Variants in GLCE observed in about 807,000 individuals in gnomAD.
The protein encoded by GLCE is D-glucuronyl C5-epimerase.
A neutral mutation model predicts 47.9 loss-of-function variants in GLCE; 19 were observed. The observed-to-expected ratio is 0.40, with a 90% CI of 0.28 to 0.58. The LOEUF (loss-of-function observed/expected upper bound fraction) is 0.58. Ranked by LOEUF, GLCE falls within the 20% of genes least tolerant of loss-of-function variation. GLCE has a pLI of 0.48. For missense variants in GLCE, 556 were observed against 743.3 expected, an observed-to-expected ratio of 0.75 and a Z score of 2.93; for synonymous variants, 245 against 263.4, an observed-to-expected ratio of 0.93 and a Z score of 0.68.
chr15:69,170,186 A>AAT (rs1282971823), intron 1 of GLCE, among the ~76,000 whole-genome samples: 1 of 152,200 alleles, frequency 6.6e-6, no homozygotes, highest in African/African-American at 2.4e-5. Context: ...TGATAAGCAA[A>AAT]ATATCTTACT....
intron 2 of GLCE, among the ~76,000 whole-genome samples, chr15:69,244,684 C>T (rs2052722623): frequency 6.6e-6 from 1 of 152,018 alleles, no homozygotes; most frequent in African/African-American, 2.4e-5. Flanking sequence ...AATCATGTGG[C>T]TTCAGGTAAA....
At chr15:69,171,423 G>T (rs1480193916) in intron 1 of GLCE, among the ~76,000 whole-genome samples, 1 of 149,438 alleles carries the variant, frequency 6.7e-6, no homozygotes, top group Non-Finnish European at 1.5e-5. Context: ...TTGAGATGGA[G>T]TCTCGCACTG....
At chr15:69,221,785 C>A (rs1365968303) in intron 2 of GLCE, among the ~76,000 whole-genome samples, 1 of 149,244 alleles carries the variant, frequency 6.7e-6, no homozygotes, top group Non-Finnish European at 1.5e-5. Context: ...ATCACTTGAA[C>A]CTGGGAGGTG....
rs34135980 is a variant in GLCE at position 69,182,269 on chromosome 15, TTGTGTGTGTG to T, written c.-105+21533_-105+21542del. Among the ~76,000 whole-genome samples the T allele has an allele frequency of 6.9e-5, 10 of 144,918 alleles. No homozygotes were observed. In the South Asian group the frequency reaches 1.6e-3, roughly 23 times the overall value. On this transcript the variant is annotated intron_variant, in intron 1 of 4. Coordinates refer to ENST00000261858, the MANE Select transcript of GLCE (RefSeq NM_015554.3). ...AACCAATTTATCAGACATCGTGTAT[TTGTGTGTGTG>T]TGTGTGTGTGTGTGTGTGTGAGAGA...
intron 2 of GLCE, among the ~76,000 whole-genome samples, chr15:69,225,163 A>G (rs930317629): frequency 1.5e-5 from 2 of 132,294 alleles, no homozygotes; most frequent in Admixed American, 1.8e-4. Context: ...TTAGCCAAAT[A>G]TTTTAAAGCT....
chr15:69,219,425 T>C (rs1027426774), intron 2 of GLCE, among the ~76,000 whole-genome samples: 1 of 152,128 alleles, frequency 6.6e-6, no homozygotes, highest in Non-Finnish European at 1.5e-5. Context: ...GGGTAAAGTA[T>C]GTTGTAATAC....
chr15:69,182,385 A>AAGAGAGAG (rs148023337), intron 1 of GLCE, among the ~76,000 whole-genome samples: 1 of 144,118 alleles, frequency 6.9e-6, no homozygotes, highest in Non-Finnish European at 1.5e-5. Context: ...ATTGCGCTGA[A>AAGAGAGAG]AGAGAGAGAG....
At chr15:69,201,196 C>G (rs1566954356) in intron 1 of GLCE, among the ~76,000 whole-genome samples, 1 of 152,070 alleles carries the variant, frequency 6.6e-6, no homozygotes, top group Non-Finnish European at 1.5e-5. Flanking sequence ...AGTTCCTTAA[C>G]CTTAATTACA....
chr15:69,207,685 A>G (rs927249266), intron 1 of GLCE, among the ~76,000 whole-genome samples: 2 of 152,096 alleles, frequency 1.3e-5, no homozygotes, highest in Admixed American at 1.3e-4. Flanking sequence ...TTTGGTGATT[A>G]TGAATAAAGC....
At chr15:69,211,489 C>T (rs1198418093) in intron 2 of GLCE, among the ~76,000 whole-genome samples, 1 of 151,752 alleles carries the variant, frequency 6.6e-6, no homozygotes, top group Non-Finnish European at 1.5e-5. Flanking sequence ...ACGTTTCTCT[C>T]TGAGGTTTAA....
chr15:69,165,976 G>A (rs2051495947), intron 1 of GLCE, among the ~76,000 whole-genome samples: 1 of 152,194 alleles, frequency 6.6e-6, no homozygotes, highest in Admixed American at 6.5e-5. Flanking sequence ...CACTTTAAGA[G>A]GTGATGGTTA....
At chr15:69,195,718 G>C (rs1345607126) in intron 1 of GLCE, among the ~76,000 whole-genome samples, 1 of 152,056 alleles carries the variant, frequency 6.6e-6, no homozygotes, top group African/African-American at 2.4e-5. Flanking sequence ...TGTTAAATCT[G>C]TCAGAACACA....
At chr15:69,195,875 G>T (rs918563070) in intron 1 of GLCE, among the ~76,000 whole-genome samples, 3 of 151,988 alleles carry the variant, frequency 2.0e-5, no homozygotes, top group African/African-American at 7.3e-5. Flanking sequence ...TCCTACTATT[G>T]CCAGGTACTG....
At chr15:69,178,295 T>C (rs993993672) in intron 1 of GLCE, among the ~76,000 whole-genome samples, 1 of 152,148 alleles carries the variant, frequency 6.6e-6, no homozygotes, top group Non-Finnish European at 1.5e-5. Flanking sequence ...AATATACAAA[T>C]GGCTTTAAGC....
chr15:69,227,318 A>G (rs1032864326), intron 2 of GLCE, among the ~76,000 whole-genome samples: 3 of 152,108 alleles, frequency 2.0e-5, no homozygotes, highest in African/African-American at 4.8e-5. Flanking sequence ...AGAGACCCCT[A>G]TTTGTATTGG....
intron 2 of GLCE, among the ~76,000 whole-genome samples, chr15:69,213,807 A>G (rs1445914954): frequency 1.3e-5 from 2 of 152,036 alleles, no homozygotes; most frequent in Non-Finnish European, 2.9e-5. Flanking sequence ...CTCTACATTT[A>G]TCAATTATAA....
At chr15:69,259,797 C>T (rs1310160013) in intron 3 of GLCE, among the ~76,000 whole-genome samples, 2 of 152,162 alleles carry the variant, frequency 1.3e-5, no homozygotes, top group African/African-American at 2.4e-5. Context: ...CAGAGGAGAT[C>T]CCCCTCTTGG....
chr15:69,246,631 G>A (rs985035247), intron 2 of GLCE, among the ~76,000 whole-genome samples: 11 of 151,090 alleles, frequency 7.3e-5, no homozygotes, highest in African/African-American at 1.7e-4. Flanking sequence ...CAGAAGAATC[G>A]CTTGAATCCG....
At chr15:69,191,900 A>C (rs1233398744) in intron 1 of GLCE, among the ~76,000 whole-genome samples, 2 of 151,972 alleles carry the variant, frequency 1.3e-5, no homozygotes, top group African/African-American at 4.8e-5. Flanking sequence ...TGTAGATTTT[A>C]ATTTATTGTC....
Sources: gnomAD v4.1 joint callset for allele counts (sites outside exome capture counted in the v4.1 genomes callset) on GRCh38, gnomAD v4.1.1 for gene constraint, MANE v1.5 for transcripts, NCBI Gene and HGNC (gene_info 2026-07-23, HGNC 2026-07-21) for gene names.